Variants in GPATCH2 observed in about 807,000 individuals in gnomAD.
The protein encoded by GPATCH2 is G-patch domain containing 2, also known as G patch domain-containing protein 2.
Under a neutral mutation model 58.0 loss-of-function variants are expected in GPATCH2, and 51 were observed. The ratio of observed to expected loss-of-function variants is 0.88; its 90% CI spans 0.70 to 1.11. The LOEUF (loss-of-function observed/expected upper bound fraction) is 1.11. Among genes scored for constraint, GPATCH2 ranks in the 50% most tolerant of loss-of-function variants. GPATCH2 has a pLI of 0.00. For missense variants in GPATCH2, 625 were observed against 652.2 expected (o/e 0.96, Z 0.45); for synonymous variants, 222 against 218.5 (o/e 1.02, Z -0.14).
chr1:217,617,303 C>A (rs1668934428), intron 2 of GPATCH2, among the ~76,000 whole-genome samples: 1 of 152,202 alleles, frequency 6.6e-6, no homozygotes, highest in Non-Finnish European at 1.5e-5. Context: ...TCCCTCTCTT[C>A]TCTTGACTTC....
intron 8 of GPATCH2, among the ~76,000 whole-genome samples, chr1:217,461,113 T>C (rs1660180489): frequency 6.6e-6 from 1 of 152,192 alleles, no homozygotes; most frequent in Non-Finnish European, 1.5e-5. Flanking sequence ...GCTACTTTTA[T>C]CTCCATATTG....
intron 5 of GPATCH2, among the ~76,000 whole-genome samples, chr1:217,605,292 T>C (rs1668301455): frequency 6.6e-6 from 1 of 152,232 alleles, no homozygotes; most frequent in South Asian, 2.1e-4. Flanking sequence ...TCAGGGTTTT[T>C]GTATAGTGAA....
In GPATCH2 at chr1:217,497,728, C is replaced by A. The variant is rs978863177; in HGVS notation, c.1206+628G>T. 4.6e-5 allele frequency among the ~76,000 whole-genome samples: 7 copies of A among 151,008 alleles called. No homozygotes were observed. In the South Asian group the frequency reaches 1.5e-3, roughly 31 times the overall value. On this transcript the variant is annotated intron_variant, in intron 7 of 9. Transcript: ENST00000366935. ...TTCACAATAAAAGATAAAAACTTTGCAAGGATGCAAACTCTAAAATGTATA... is the reference window on the plus strand; with the variant it reads ...TTCACAATAAAAGATAAAAACTTTGAAAGGATGCAAACTCTAAAATGTATA...
intron 8 of GPATCH2, among the ~76,000 whole-genome samples, chr1:217,486,422 A>G (rs546863866): frequency 2.4e-4 from 36 of 152,106 alleles, no homozygotes; most frequent in African/African-American, 8.2e-4. Flanking sequence ...GTTTTTTGAG[A>G]CAGGGTCTTA....
chr1:217,567,716 AAAGT>A (rs1666318700), intron 5 of GPATCH2, among the ~76,000 whole-genome samples: 1 of 152,232 alleles, frequency 6.6e-6, no homozygotes, highest in African/African-American at 2.4e-5. Flanking sequence ...AGTTTTCAAC[AAAGT>A]AATTCTATTG....
chr1:217,585,887 A>G (rs1667316699), intron 5 of GPATCH2, among the ~76,000 whole-genome samples: 1 of 152,216 alleles, frequency 6.6e-6, no homozygotes, highest in Non-Finnish European at 1.5e-5. Context: ...TATTGCTTCC[A>G]GGCTACAAAC....
At chr1:217,481,709 T>C (rs1179321351) in intron 8 of GPATCH2, among the ~76,000 whole-genome samples, 1 of 151,876 alleles carries the variant, frequency 6.6e-6, no homozygotes, top group Non-Finnish European at 1.5e-5. Flanking sequence ...ATAAAAAAAT[T>C]AGTGAGGCAT....
At chr1:217,497,717 T>C (rs947446314) in intron 7 of GPATCH2, among the ~76,000 whole-genome samples, 1 of 151,908 alleles carries the variant, frequency 6.6e-6, no homozygotes, top group African/African-American at 2.4e-5. Flanking sequence ...CAATAAAAGA[T>C]AAAAACTTTG....
chr1:217,542,878 T>G (rs1664822002), intron 5 of GPATCH2, among the ~76,000 whole-genome samples: 1 of 152,186 alleles, frequency 6.6e-6, no homozygotes, highest in Non-Finnish European at 1.5e-5. Context: ...TTCACCTACT[T>G]TGTCACTGAC....
intron 5 of GPATCH2, among the ~76,000 whole-genome samples, chr1:217,542,239 C>A (rs1325548527): frequency 6.6e-6 from 1 of 152,186 alleles, no homozygotes; most frequent in African/African-American, 2.4e-5. Flanking sequence ...AGTGTCTATT[C>A]CTTCTAATAA....
chr1:217,506,651 T>C (rs1662579384), intron 6 of GPATCH2, among the ~76,000 whole-genome samples: 1 of 152,172 alleles, frequency 6.6e-6, no homozygotes, highest in South Asian at 2.1e-4. Context: ...CTTAAGTGGT[T>C]TTCCAAACAC....
intron 2 of GPATCH2, among the ~76,000 whole-genome samples, chr1:217,615,702 C>T (rs1349392656): frequency 2.0e-5 from 3 of 152,054 alleles, no homozygotes; most frequent in African/African-American, 7.2e-5. Context: ...TAAAATGCCT[C>T]GGAGGAGTCT....
At chr1:217,456,031 T>A (rs1659926834) in intron 8 of GPATCH2, among the ~76,000 whole-genome samples, 1 of 151,886 alleles carries the variant, frequency 6.6e-6, no homozygotes, top group Non-Finnish European at 1.5e-5. Context: ...CCTTCCCAGC[T>A]CCCCATCCAT....
chr1:217,474,941 T>C (rs1373343916), intron 8 of GPATCH2, among the ~76,000 whole-genome samples: 1 of 152,104 alleles, frequency 6.6e-6, no homozygotes. Flanking sequence ...GAAAAATGCA[T>C]ATAAATAAAA....
At chr1:217,482,684 C>G (rs1198005630) in intron 8 of GPATCH2, among the ~76,000 whole-genome samples, 1 of 152,042 alleles carries the variant, frequency 6.6e-6, no homozygotes, top group Non-Finnish European at 1.5e-5. Context: ...AAAGAGAAAG[C>G]CACTAAAGAT....
chr1:217,514,138 A>C (rs1472424827), intron 6 of GPATCH2, among the ~76,000 whole-genome samples: 1 of 149,886 alleles, frequency 6.7e-6, no homozygotes, highest in African/African-American at 2.5e-5. Context: ...CCCCGCAAAA[A>C]AAGCAAAACA....
intron 5 of GPATCH2, among the ~76,000 whole-genome samples, chr1:217,537,316 TA>T (rs1664526224): frequency 6.6e-6 from 1 of 152,182 alleles, no homozygotes; most frequent in Non-Finnish European, 1.5e-5. Flanking sequence ...TTTCAATTAA[TA>T]AACTTCGTAT....
At chr1:217,621,159 T>A (rs1187266325) in intron 1 of GPATCH2, among the ~76,000 whole-genome samples, 1 of 152,210 alleles carries the variant, frequency 6.6e-6, no homozygotes, top group Admixed American at 6.5e-5. Flanking sequence ...TCTTAGGCTT[T>A]CCTTTTTTAA....
chr1:217,448,205 A>C lies in GPATCH2; in HGVS notation c.1366+1044T>G, dbSNP rs1172511847. ...TAAAACCATGCATATACTTACATATATTTTTCTTTTTACTGTTTACTCTCC... is the reference window on the plus strand; with the variant it reads ...TAAAACCATGCATATACTTACATATCTTTTTCTTTTTACTGTTTACTCTCC... On this transcript the variant is annotated intron_variant, in intron 9 of 9. Coordinates refer to ENST00000366935, the MANE Select transcript of GPATCH2 (RefSeq NM_018040.5). 4.0e-5 allele frequency among the ~76,000 whole-genome samples: 6 copies of C among 151,388 alleles called. 1 individual carries two copies. Among genetic ancestry groups the C allele is most frequent in the Non-Finnish European group, 8.8e-5 (6 of 67,920 alleles).
Sources: allele counts gnomAD v4.1 joint callset (sites outside exome capture counted in the v4.1 genomes callset), GRCh38; gene constraint gnomAD v4.1.1; transcripts MANE v1.5; gene names NCBI Gene and HGNC (gene_info 2026-07-23, HGNC 2026-07-21).